EIF4H: variants seen among roughly 807,000 people sequenced by gnomAD.
EIF4H encodes Williams-Beuren syndrome chromosome region 1.
EIF4H carries 8 observed loss-of-function variants against 30.6 expected under a neutral mutation model. The ratio of observed to expected loss-of-function variants is 0.26; its 90% confidence interval spans 0.15 to 0.47. The LOEUF is 0.47. Among genes scored for constraint, EIF4H ranks in the 20% least tolerant of loss-of-function variants. EIF4H has a pLI of 0.99. For synonymous variants in EIF4H, 106 were observed against 122.7 expected, an observed-to-expected ratio of 0.86 and a Z score of 0.90; for missense variants, 188 against 339.5, an observed-to-expected ratio of 0.55 and a Z score of 3.51.
At position 74,174,471 on chromosome 7, in the gene EIF4H, G is replaced by A. The variant is rs1554707354; in HGVS notation, c.59+29G>A. On this transcript the variant is annotated intron_variant, in intron 1 of 6. Transcript: ENST00000265753. ...AGGCGGGCGTGCGCGGGCCCCGTCGGGGGCTGCGGGACCGGCGGAGTCGGG... is the reference window on the plus strand; with the variant it reads ...AGGCGGGCGTGCGCGGGCCCCGTCGAGGGCTGCGGGACCGGCGGAGTCGGG... 2.9e-6 allele frequency: 4 copies of A among 1,392,350 alleles called. No individual in the cohort carries two copies. In the Admixed American group the frequency reaches 7.0e-5, roughly 24 times the overall value. 86.2% of individuals were successfully genotyped at this position (1,392,350 alleles called of 1,614,324 possible). A position where few individuals can be genotyped will look rare whatever the true frequency, so the allele number is the denominator to read the frequency against.
chr7:74,180,494 C>G (rs1800936031), intron 1 of EIF4H, among the ~76,000 whole-genome samples: 1 of 152,066 alleles, frequency 6.6e-6, no homozygotes, highest in Admixed American at 6.5e-5. Context: ...TTAAATACTT[C>G]AAGTGCATGG....
chr7:74,186,788 A>AATTTTTT (rs1801089805), intron 1 of EIF4H, among the ~76,000 whole-genome samples: 5 of 70,122 alleles, frequency 7.1e-5, no homozygotes, highest in East Asian at 4.5e-4. Flanking sequence ...ACAAGGAGAA[A>AATTTTTT]TTTTTTTTTT....
chr7:74,174,412 G>A lies in EIF4H; in HGVS notation c.29G>A (p.Arg10Gln), dbSNP rs202096828. Residue 10 changes from arginine (R) to glutamine (Q), a missense_variant, in exon 1 of 7, where the codon CGG becomes CAG. Physicochemically the swap from Arg to Gln is conservative, Grantham distance 43 (BLOSUM62 1). Coordinates refer to ENST00000265753, the MANE Select transcript of EIF4H (RefSeq NM_022170.2). The stretch of plus-strand genomic sequence containing the variant: ...GCGGACTTCGACACCTACGACGATC[G>A]GGCCTACAGCAGCTTCGGCGGCGGC... The part of the protein sequence containing the change: MADFDTYDD[R>Q]AYSSFGGGRG... The A allele has an allele frequency of 1.4e-6, 2 of 1,459,934 alleles. No homozygotes were observed. Among genetic ancestry groups the A allele is most frequent in the Middle Eastern group, 2.0e-4 (1 of 5,114 alleles). The allele number at this position is 1,459,934 out of a possible 1,614,324, so 90.4% of individuals were successfully genotyped here.
chr7:74,188,023 G>A (rs1197309749), intron 2 of EIF4H, among the ~76,000 whole-genome samples: 2 of 152,156 alleles, frequency 1.3e-5, no homozygotes, highest in Admixed American at 6.6e-5. Flanking sequence ...AGAAATACAT[G>A]GCATATGCCC....
At position 74,183,163 on chromosome 7, in the gene EIF4H, C is replaced by T. The variant is rs782220200; in HGVS notation, c.60-4448C>T. On this transcript the variant is annotated intron_variant, in intron 1 of 6. Transcript: ENST00000265753. ...CAAGGATTTTAGTCACACTTGGAGC[C>T]GAAAGTAGGGTTTCCTAAATTACTG... 4.6e-5 allele frequency among the ~76,000 whole-genome samples: 7 copies of T among 152,144 alleles called. No homozygotes were observed. The South Asian group carries it at 1.2e-3, about 27-fold the overall frequency.
chr7:74,185,561 T>G (rs897101705), intron 1 of EIF4H, among the ~76,000 whole-genome samples: 2 of 151,998 alleles, frequency 1.3e-5, no homozygotes, highest in Non-Finnish European at 2.9e-5. Flanking sequence ...TTATGAAACT[T>G]AAAAGCTTTT....
chr7:74,175,622 T>TA (rs1459493104), intron 1 of EIF4H, among the ~76,000 whole-genome samples: 1 of 151,986 alleles, frequency 6.6e-6, no homozygotes, highest in African/African-American at 2.4e-5. Flanking sequence ...TATTTGCTAA[T>TA]AAAAAAAGAA....
chr7:74,177,826 C>T (rs184528527), intron 1 of EIF4H, among the ~76,000 whole-genome samples: 6 of 152,288 alleles, frequency 3.9e-5, no homozygotes, highest in African/African-American at 1.4e-4. Context: ...TGTAAAAGCC[C>T]TGGCTTTGGA....
At chr7:74,184,074 T>C (rs1431997022) in intron 1 of EIF4H, among the ~76,000 whole-genome samples, 1 of 152,184 alleles carries the variant, frequency 6.6e-6, no homozygotes, top group African/African-American at 2.4e-5. Context: ...TGGGCTTTGG[T>C]GTATCTTTGC....
intron 1 of EIF4H, among the ~76,000 whole-genome samples, chr7:74,180,970 A>G (rs1361452993): frequency 1.3e-5 from 2 of 152,150 alleles, no homozygotes. Context: ...AACTAGCCTC[A>G]AGGGATACTC....
At chr7:74,182,998 C>G (rs1362442810) in intron 1 of EIF4H, among the ~76,000 whole-genome samples, 1 of 152,128 alleles carries the variant, frequency 6.6e-6, no homozygotes, top group Non-Finnish European at 1.5e-5. Flanking sequence ...TTGCTTGTGA[C>G]GTGATTTCTC....
chr7:74,194,802 C>G lies in EIF4H; in HGVS notation c.531C>G (p.Gly177=), dbSNP rs782555864. 1.1e-5 allele frequency: 18 copies of G among 1,603,108 alleles called. No individual in the cohort carries two copies. Among genetic ancestry groups the G allele is most frequent in the Admixed American group, 1.7e-5 (1 of 59,716 alleles). ...GTCGCCCAGGCGACCGGCGAACAGG[C>G]CCCCCCATGGGCAGCCGCTTCAGAG... The part of the protein sequence containing the change: ...GGSRPGDRRT[G]PPMGSRFRDG... Residue 177 remains glycine, a synonymous_variant, in exon 6 of 7, where the codon GGC becomes GGG. Transcript: ENST00000265753.
rs782466812 is a variant in EIF4H at position 74,190,349 on chromosome 7, C to T, written c.469+43C>T. 18 of 1,587,596 alleles carry T rather than the reference C, an allele frequency of 1.1e-5. No homozygotes were observed. The South Asian group carries it at 2.0e-4, about 18-fold the overall frequency. ...ATCACCACTTAATTTTTCCTAGGAG[C>T]CTTGCTGCTGTTCTCTGTTTCTTAC... is the stretch of plus-strand genomic sequence containing the variant. On this transcript the variant is annotated intron_variant, in intron 5 of 6. Transcript: ENST00000265753.
intron 5 of EIF4H, among the ~76,000 whole-genome samples, chr7:74,192,699 A>T (rs1584187581): frequency 8.7e-6 from 1 of 114,386 alleles, no homozygotes; most frequent in Non-Finnish European, 1.6e-5. Context: ...TTTTTTTGAG[A>T]CAGAGGCTCA....
intron 1 of EIF4H, among the ~76,000 whole-genome samples, chr7:74,175,187 A>C (rs1313162780): frequency 6.6e-6 from 1 of 152,262 alleles, no homozygotes; most frequent in Non-Finnish European, 1.5e-5. Flanking sequence ...TCAAATGCAG[A>C]CAACTATGTA....
intron 5 of EIF4H, among the ~76,000 whole-genome samples, chr7:74,191,532 G>A (rs1412978971): frequency 6.6e-6 from 1 of 152,154 alleles, no homozygotes; most frequent in Admixed American, 6.6e-5. Flanking sequence ...TCACTCGATG[G>A]AGTAATGGCT....
intron 5 of EIF4H, chr7:74,191,264 A>G (rs782782687): frequency 1.9e-6 from 1 of 533,940 alleles, no homozygotes; most frequent in East Asian, 5.5e-5. Flanking sequence ...AATTTTATGT[A>G]TAAGCTAGTC....
chr7:74,191,163 C>G (rs1554709871), intron 5 of EIF4H: 1 of 533,352 alleles, frequency 1.9e-6, no homozygotes, highest in Non-Finnish European at 3.8e-6. Flanking sequence ...CAGGTGACGA[C>G]TACCTGTTGA....
At chr7:74,177,753 C>T (rs537883151) in intron 1 of EIF4H, among the ~76,000 whole-genome samples, 1 of 151,522 alleles carries the variant, frequency 6.6e-6, no homozygotes, top group Admixed American at 6.6e-5. Context: ...AAACCATTAT[C>T]CTCTATGAAA....
Sources: allele counts gnomAD v4.1 joint callset (sites outside exome capture counted in the v4.1 genomes callset), GRCh38; gene constraint gnomAD v4.1.1; transcripts MANE v1.5; gene names NCBI Gene and HGNC (gene_info 2026-07-23, HGNC 2026-07-21).